OSBPL10: variants seen among roughly 807,000 people sequenced by gnomAD.
OSBPL10 encodes the protein oxysterol-binding protein-related protein 10.
In OSBPL10, 49 loss-of-function variants were observed where a neutral mutation model predicts 81.7. The ratio of observed to expected loss-of-function variants is 0.60; its 90% CI spans 0.48 to 0.76. The LOEUF (loss-of-function observed/expected upper bound fraction) is 0.76. Among genes scored for constraint, OSBPL10 ranks in the 30% least tolerant of loss-of-function variants. The pLI is 0.00. For missense variants in OSBPL10, 923 were observed against 987.8 expected, an observed-to-expected ratio of 0.93 and a Z score of 0.88; for synonymous variants, 419 against 383.6, an observed-to-expected ratio of 1.09 and a Z score of -1.08.
intron 1 of OSBPL10, among the ~76,000 whole-genome samples, chr3:31,903,009 T>C (rs537676835): frequency 6.6e-6 from 1 of 152,318 alleles, no homozygotes; most frequent in Non-Finnish European, 1.5e-5. Flanking sequence ...TTTTCTGACA[T>C]TGCCAGTCCC....
At chr3:32,010,633 C>G (rs1483476679) in intron 2 of OSBPL10, among the ~76,000 whole-genome samples, 1 of 152,222 alleles carries the variant, frequency 6.6e-6, no homozygotes, top group Non-Finnish European at 1.5e-5. Context: ...TGAGCCGAAG[C>G]AGGGCGAGGC....
At chr3:31,854,635 G>A (rs1700861914) in intron 3 of OSBPL10, among the ~76,000 whole-genome samples, 1 of 151,994 alleles carries the variant, frequency 6.6e-6, no homozygotes, top group African/African-American at 2.4e-5. Flanking sequence ...CAAACTTATA[G>A]AAAGTTGAAA....
chr3:31,709,172 C>T, intron 6 of OSBPL10: 1 of 383,620 alleles, frequency 2.6e-6, no homozygotes, highest in Non-Finnish European at 3.6e-6. Flanking sequence ...GTCCCAGCTG[C>T]CTTTCGGAGA....
At chr3:31,877,332 A>G (rs1701500743) in intron 2 of OSBPL10, among the ~76,000 whole-genome samples, 1 of 152,172 alleles carries the variant, frequency 6.6e-6, no homozygotes, top group African/African-American at 2.4e-5. Context: ...TACGATTGCA[A>G]AGAGCAAGAT....
At chr3:31,706,672 T>G (rs1696076328) in intron 6 of OSBPL10, among the ~76,000 whole-genome samples, 1 of 152,208 alleles carries the variant, frequency 6.6e-6, no homozygotes, top group Non-Finnish European at 1.5e-5. Flanking sequence ...GGAGAAACAT[T>G]TAGCTTTGCT....
chr3:31,741,796 T>C (rs1334165086), intron 5 of OSBPL10, among the ~76,000 whole-genome samples: 2 of 152,166 alleles, frequency 1.3e-5, no homozygotes, highest in Admixed American at 1.3e-4. Flanking sequence ...GGAGTATGAC[T>C]GAATCATGCG....
chr3:31,886,115 G>T (rs1008462116), intron 1 of OSBPL10, among the ~76,000 whole-genome samples: 26 of 151,766 alleles, frequency 1.7e-4, no homozygotes, highest in African/African-American at 5.8e-4. Flanking sequence ...AACTACAAGA[G>T]AATTACAAAC....
At chr3:31,805,099 T>C (rs917288323) in intron 4 of OSBPL10, among the ~76,000 whole-genome samples, 1 of 152,244 alleles carries the variant, frequency 6.6e-6, no homozygotes, top group Non-Finnish European at 1.5e-5. Flanking sequence ...AGACTTTGTC[T>C]TGATTACACT....
At chr3:31,910,075 G>C (rs1346814420) in intron 1 of OSBPL10, among the ~76,000 whole-genome samples, 1 of 150,832 alleles carries the variant, frequency 6.6e-6, no homozygotes, top group Non-Finnish European at 1.5e-5. Context: ...TCCACCTCCT[G>C]GGTTCAAGCG....
chr3:31,789,141 G>A (rs931293531), intron 4 of OSBPL10, among the ~76,000 whole-genome samples: 1 of 152,196 alleles, frequency 6.6e-6, no homozygotes, highest in East Asian at 1.9e-4. Flanking sequence ...ACCACGCCCA[G>A]CTAATTATTG....
chr3:31,672,988 T>C (rs1700363938), intron 8 of OSBPL10, among the ~76,000 whole-genome samples: 1 of 152,194 alleles, frequency 6.6e-6, no homozygotes, highest in African/African-American at 2.4e-5. Flanking sequence ...ATACACTGCG[T>C]ATCAGAAGAG....
At chr3:32,071,725 C>T (rs138782965) in intron 1 of OSBPL10, among the ~76,000 whole-genome samples, 1 of 152,230 alleles carries the variant, frequency 6.6e-6, no homozygotes, top group South Asian at 2.1e-4. Context: ...CATATACTTT[C>T]TGCTCCCCGG....
At chr3:31,957,940 G>C (rs1427343282) in intron 1 of OSBPL10, among the ~76,000 whole-genome samples, 1 of 152,174 alleles carries the variant, frequency 6.6e-6, no homozygotes, top group Non-Finnish European at 1.5e-5. Context: ...CACCCGGCCA[G>C]ATTCCTGTTT....
chr3:31,753,481 G>A (rs148107932), intron 4 of OSBPL10, among the ~76,000 whole-genome samples: 2 of 152,094 alleles, frequency 1.3e-5, no homozygotes, highest in East Asian at 1.9e-4. Context: ...CACCATGCCC[G>A]GCCGCTTTAT....
intron 6 of OSBPL10, among the ~76,000 whole-genome samples, chr3:31,727,928 T>A (rs1696858702): frequency 6.6e-6 from 1 of 152,202 alleles, no homozygotes; most frequent in South Asian, 2.1e-4. Flanking sequence ...GCTTTATGGC[T>A]TGTTAAGTAG....
At chr3:31,874,537 T>C (rs1701402797) in intron 3 of OSBPL10, among the ~76,000 whole-genome samples, 1 of 152,044 alleles carries the variant, frequency 6.6e-6, no homozygotes, top group Admixed American at 6.6e-5. Context: ...AAAATGAGCT[T>C]AATAGAAAAA....
chr3:32,051,890 A>T (rs1281987092), intron 1 of OSBPL10, among the ~76,000 whole-genome samples: 1 of 152,234 alleles, frequency 6.6e-6, no homozygotes, highest in Non-Finnish European at 1.5e-5. Context: ...CAGAAAAATA[A>T]AAACTGTAAT....
intron 4 of OSBPL10, among the ~76,000 whole-genome samples, chr3:31,828,595 C>G (rs968074301): frequency 3.3e-5 from 5 of 152,160 alleles, no homozygotes; most frequent in African/African-American, 1.2e-4. Flanking sequence ...TGCACTGGGG[C>G]TATCTTGGCT....
intron 4 of OSBPL10, among the ~76,000 whole-genome samples, chr3:31,800,374 A>AG (rs1227267479): frequency 8.5e-5 from 13 of 152,242 alleles, no homozygotes; most frequent in Admixed American, 3.9e-4. Context: ...GGGAGAACAG[A>AG]GAAAAAGTAC....
Sources: gnomAD v4.1 joint callset for allele counts (sites outside exome capture counted in the v4.1 genomes callset) on GRCh38, gnomAD v4.1.1 for gene constraint, MANE v1.5 for transcripts, NCBI Gene and HGNC (gene_info 2026-07-23, HGNC 2026-07-21) for gene names.